The following ZNF91 variants were observed in gnomAD, a reference collection of about 807,000 sequenced individuals.
The protein encoded by ZNF91 is zinc finger protein 91.
ZNF91 carries 7 observed loss-of-function variants against 12.6 expected under a neutral mutation model. That is an observed-to-expected ratio of 0.55 (90% CI 0.31 to 1.04). The LOEUF is 1.04. ZNF91 is among the 50% of genes least tolerant of loss of function. ZNF91 has a pLI of 0.05. For missense variants in ZNF91, 1,217 were observed against 1,385.4 expected (o/e 0.88, Z 1.93); for synonymous variants, 453 against 462.6 (o/e 0.98, Z 0.27).
chr19:23,361,121 G>A lies in ZNF91; in HGVS notation c.1858C>T (p.His620Tyr), dbSNP rs748482697. 1 of 1,613,744 alleles carries A rather than the reference G, an allele frequency of 6.2e-7. No homozygotes were observed. The highest frequency in any genetic ancestry group is 8.5e-7 in the Non-Finnish European group (1 of 1,179,898). ...AFLWSSTLRR[H>Y]KRIHTGEKPY... ...TTCTCTCCAGTGTGTATCCTCTTATGTCTTCTTAGGGTTGAGGACCATAGA... is the reference window on the plus strand; with the variant it reads ...TTCTCTCCAGTGTGTATCCTCTTATATCTTCTTAGGGTTGAGGACCATAGA... The change falls in exon 4 of 4, where the codon CAT becomes TAT. Residue 620 changes from histidine (H) to tyrosine (Y), a missense_variant. His to Tyr is a moderately conservative substitution (Grantham distance 83, BLOSUM62 2). Around this residue, in one of 2 missense-constraint regions of ZNF91, gnomAD observed 726 missense variants for 895.5 expected, o/e 0.81. Coordinates refer to ENST00000300619, the MANE Select transcript of ZNF91 (RefSeq NM_003430.4).
Position 23,360,225 on chromosome 19 carries a change from T to C in ZNF91, c.2754A>G (p.Ala918=), listed in dbSNP as rs767326890. ...TAGTAAGGTGTGAAGGCTGGCTAAATGCTTTGCCACATTCTTCACATTTGT... is the reference window on the plus strand; with the variant it reads ...TAGTAAGGTGTGAAGGCTGGCTAAACGCTTTGCCACATTCTTCACATTTGT... ...KTYKCEECGK[A]FSQPSHLTTH... is the part of the protein sequence containing the mutation. The change falls in exon 4 of 4, where the codon GCA becomes GCG. Residue 918 remains alanine (A), a synonymous_variant. Transcript: ENST00000300619. 7.7e-5 allele frequency: 125 copies of C among 1,613,322 alleles called. 1 individual carries two copies. Among genetic ancestry groups the C allele is most frequent in the Middle Eastern group, 4.9e-4 (3 of 6,082 alleles).
At chr19:23,339,472 T>C (rs1403900559) in intron 3 of ZNF91, 1 of 152,156 alleles carries the variant, frequency 6.6e-6, no homozygotes. Context: ...ACCATTGAGA[T>C]AGGAAATCTG....
chr19:23,349,004 T>G (rs1306282152), intron 3 of ZNF91, among the ~76,000 whole-genome samples: 2 of 152,120 alleles, frequency 1.3e-5, no homozygotes, highest in Admixed American at 6.5e-5. Context: ...CTTGCTAGGA[T>G]TGGGAAATTC....
chr19:23,371,394 T>C (rs1969271945), intron 3 of ZNF91, among the ~76,000 whole-genome samples: 1 of 151,988 alleles, frequency 6.6e-6, no homozygotes, highest in South Asian at 2.1e-4. Context: ...ATATACAAGA[T>C]AAGCTATAAC....
At chr19:23,327,687 A>G (rs762354276) in intron 1 of ZNF91, 4 of 152,192 alleles carry the variant, frequency 2.6e-5, no homozygotes, top group Non-Finnish European at 5.9e-5. Context: ...TCTGTGATAC[A>G]GAAAATAGAT....
At chr19:23,314,303 G>A (rs1257111865), upstream of ZNF91, among the ~76,000 whole-genome samples, 1 of 152,110 alleles carries the variant, frequency 6.6e-6, no homozygotes, top group East Asian at 1.9e-4. Context: ...GTGACATTGT[G>A]ACACATCTCT....
intron 1 of ZNF91, among the ~76,000 whole-genome samples, chr19:23,383,700 A>T (rs533348761): frequency 6.3e-4 from 96 of 152,310 alleles, no homozygotes; most frequent in African/African-American, 2.3e-3. Flanking sequence ...AGAAAAAAAA[A>T]AAGCTTGAAA....
upstream of ZNF91, among the ~76,000 whole-genome samples, chr19:23,312,516 C>G (rs935311056): frequency 1.3e-5 from 2 of 152,138 alleles, no homozygotes; most frequent in Non-Finnish European, 2.9e-5. Context: ...TGTTTCTCAT[C>G]ATTTTCTCAC....
chr19:23,333,701 A>C (rs1402578480), intron 1 of ZNF91, among the ~76,000 whole-genome samples: 1 of 152,216 alleles, frequency 6.6e-6, no homozygotes, highest in Non-Finnish European at 1.5e-5. Flanking sequence ...ACTAGGAATA[A>C]ATAGAGAAAT....
At chr19:23,355,558 C>A (rs1968465433), downstream of ZNF91, among the ~76,000 whole-genome samples, 1 of 152,078 alleles carries the variant, frequency 6.6e-6, no homozygotes, top group South Asian at 2.1e-4. Flanking sequence ...AATTTCATGA[C>A]CAAAAACCCA....
chr19:23,314,471 C>T (rs953151890), upstream of ZNF91, among the ~76,000 whole-genome samples: 9 of 152,080 alleles, frequency 5.9e-5, no homozygotes, highest in Non-Finnish European at 1.0e-4. Flanking sequence ...TGTATCTCTG[C>T]GACCATAAAC....
downstream of ZNF91, among the ~76,000 whole-genome samples, chr19:23,335,137 A>AGATATTGCAGAACAG: frequency 6.6e-6 from 1 of 152,056 alleles, no homozygotes. Context: ...CTGCAGAGCA[A>AGATATTGCAGAACAG]CAGATATTGC....
upstream of ZNF91, among the ~76,000 whole-genome samples, chr19:23,314,401 G>A (rs1967518849): frequency 6.6e-6 from 1 of 152,076 alleles, no homozygotes; most frequent in Admixed American, 6.6e-5. Context: ...GCAGCCCACA[G>A]GAGATGTGAT....
At chr19:23,343,079 A>G (rs1479627925) in intron 3 of ZNF91, among the ~76,000 whole-genome samples, 2 of 152,342 alleles carry the variant, frequency 1.3e-5, no homozygotes, top group East Asian at 3.9e-4. Flanking sequence ...CCACAAAACC[A>G]CTGTAGGTAC....
At chr19:23,372,122 C>T (rs916157473) in intron 3 of ZNF91, among the ~76,000 whole-genome samples, 1 of 151,876 alleles carries the variant, frequency 6.6e-6, no homozygotes, top group South Asian at 2.1e-4. Flanking sequence ...ACAACATGTA[C>T]ATTCTAGTAT....
chr19:23,362,380 T>C lies in ZNF91; in HGVS notation c.599A>G (p.His200Arg), dbSNP rs934515635. 2 of 1,613,876 alleles carry C rather than the reference T, an allele frequency of 1.2e-6. No homozygotes were observed. Among genetic ancestry groups the C allele is most frequent in the African/African-American group, 1.3e-5 (1 of 75,046 alleles). The part of the protein sequence containing the change: ...SFCIRLHKTQ[H>R]KCVYITEKSC... ...CTTCTCTGTAATATAAACGCATTTA[T>C]GTTGGGTTTTGTGTAAACGGATGCA... The change falls in exon 4 of 4, where the codon CAT becomes CGT. Residue 200 changes from histidine to arginine, a missense_variant. By Grantham distance (29) the His-to-Arg change is conservative. Coordinates refer to ENST00000300619, the MANE Select transcript of ZNF91 (RefSeq NM_003430.4).
intron 3 of ZNF91, among the ~76,000 whole-genome samples, chr19:23,352,196 T>C (rs372286403): frequency 2.0e-5 from 3 of 152,236 alleles, no homozygotes; most frequent in African/African-American, 7.2e-5. Context: ...GGGGCTGTTG[T>C]GGGGGCAAAG....
intron 1 of ZNF91, among the ~76,000 whole-genome samples, chr19:23,381,452 TTTTC>T (rs1024014623): frequency 4.0e-5 from 6 of 149,108 alleles, no homozygotes; most frequent in African/African-American, 1.2e-4. Context: ...TGAACTCTTT[TTTTC>T]TTTCTCTTTT....
intron 3 of ZNF91, among the ~76,000 whole-genome samples, chr19:23,370,474 A>T (rs1332090187): frequency 1.3e-5 from 2 of 152,174 alleles, no homozygotes; most frequent in Admixed American, 6.6e-5. Flanking sequence ...TTGCATAACA[A>T]TGTTAATATT....
Sources: allele counts gnomAD v4.1 joint callset (sites outside exome capture counted in the v4.1 genomes callset), GRCh38; gene constraint gnomAD v4.1.1; regional missense constraint gnomAD v4.1.1; transcripts MANE v1.5; gene names NCBI Gene and HGNC (gene_info 2026-07-23, HGNC 2026-07-21).